Variants in PRR16 observed in about 807,000 individuals in gnomAD.
PRR16 encodes the protein proline rich 16.
A neutral mutation model predicts 18.2 loss-of-function variants in PRR16; 6 were observed. The ratio of observed to expected loss-of-function variants is 0.33; its 90% confidence interval spans 0.18 to 0.65. The LOEUF is 0.65. Ranked by LOEUF, PRR16 falls within the 30% of genes least tolerant of loss-of-function variation. The probability of loss-of-function intolerance (pLI) is 0.74; values close to 1 mark genes in which losing one functional copy is unlikely to be tolerated. For synonymous variants in PRR16, 151 were observed against 147.8 expected (o/e 1.02, Z -0.16); for missense variants, 412 against 376.6 (o/e 1.09, Z -0.78).
chr5:120,686,861 A>C lies in PRR16; in HGVS notation c.*152A>C, dbSNP rs116602032. 703 of 515,608 alleles carry C rather than the reference A, an allele frequency of 1.4e-3. 4 individuals carry two copies. The highest frequency in any genetic ancestry group is 0.013 in the African/African-American group (643 of 51,018). 31.9% of individuals were successfully genotyped at this position (515,608 alleles called of 1,614,324 possible). Reference sequence around the variant, plus strand: ...AAAAATCACCTGGTAAGTATGCAGCACATTGCTTATATCCTGGGTATGCAT... The same window carrying C: ...AAAAATCACCTGGTAAGTATGCAGCCCATTGCTTATATCCTGGGTATGCAT... On this transcript the variant is annotated 3_prime_UTR_variant, in exon 2 of 2. Transcript: ENST00000407149.
At chr5:120,684,934 C>G (rs1580880525) in intron 1 of PRR16, among the ~76,000 whole-genome samples, 1 of 152,210 alleles carries the variant, frequency 6.6e-6, no homozygotes, top group Non-Finnish European at 1.5e-5. Context: ...GCTCCTCTGC[C>G]TGGTACCTGT....
the PRR16 span, among the ~76,000 whole-genome samples, chr5:120,766,829 GA>G: frequency 1.3e-5 from 2 of 151,704 alleles, no homozygotes; most frequent in Admixed American, 1.3e-4. Flanking sequence ...GCCAGTAAAT[GA>G]AAAAAATGGG....
At chr5:120,708,879 C>T in the PRR16 span, among the ~76,000 whole-genome samples, 6 of 151,286 alleles carry the variant, frequency 4.0e-5, no homozygotes, top group African/African-American at 1.2e-4. Flanking sequence ...TGATCATTTA[C>T]AGATGATGCA....
the PRR16 span, among the ~76,000 whole-genome samples, chr5:120,761,042 T>G: frequency 1.3e-5 from 2 of 152,130 alleles, no homozygotes; most frequent in Non-Finnish European, 2.9e-5. Context: ...AATTTCTTAA[T>G]GGGATAAAAT....
chr5:120,689,043 A>C (rs980232947), downstream of PRR16, among the ~76,000 whole-genome samples: 2 of 152,168 alleles, frequency 1.3e-5, no homozygotes, highest in South Asian at 2.1e-4. Flanking sequence ...ACTGGCTTAG[A>C]AATGTGAGTT....
intron 1 of PRR16, among the ~76,000 whole-genome samples, chr5:120,614,188 G>C (rs1224938672): frequency 6.6e-6 from 1 of 152,164 alleles, no homozygotes; most frequent in Non-Finnish European, 1.5e-5. Context: ...TGAGCATAAA[G>C]GAAACAAGGA....
At chr5:120,474,457 A>G (rs1231227987) in intron 1 of PRR16, among the ~76,000 whole-genome samples, 1 of 152,132 alleles carries the variant, frequency 6.6e-6, no homozygotes, top group East Asian at 1.9e-4. Context: ...CTACTTTGAG[A>G]ACTACTGCTC....
At chr5:120,608,366 C>G (rs1365362915) in intron 1 of PRR16, among the ~76,000 whole-genome samples, 2 of 152,142 alleles carry the variant, frequency 1.3e-5, no homozygotes, top group African/African-American at 4.8e-5. Context: ...CCCCTGAGCT[C>G]TTCCTATGTA....
chr5:120,671,804 G>T (rs1756615255), intron 1 of PRR16, among the ~76,000 whole-genome samples: 1 of 151,958 alleles, frequency 6.6e-6, no homozygotes, highest in Non-Finnish European at 1.5e-5. Context: ...TTTTAAATAT[G>T]TGTGTGTACA....
chr5:120,479,396 C>T (rs1424788586), intron 1 of PRR16, among the ~76,000 whole-genome samples: 2 of 152,020 alleles, frequency 1.3e-5, no homozygotes, highest in East Asian at 3.9e-4. Flanking sequence ...TTTAGTTGTG[C>T]AGTTTGAATA....
At chr5:120,696,103 G>A in the PRR16 span, among the ~76,000 whole-genome samples, 13 of 152,010 alleles carry the variant, frequency 8.6e-5, no homozygotes, top group Admixed American at 7.2e-4. Context: ...TTAGCCGGAC[G>A]TAGTGGCGAG....
chr5:120,552,485 C>A (rs1752284835), intron 1 of PRR16, among the ~76,000 whole-genome samples: 1 of 151,620 alleles, frequency 6.6e-6, no homozygotes, highest in Non-Finnish European at 1.5e-5. Flanking sequence ...AGAATTTATC[C>A]CATTTATATC....
intron 1 of PRR16, among the ~76,000 whole-genome samples, chr5:120,621,149 C>A (rs2112821628): frequency 6.6e-6 from 1 of 152,240 alleles, no homozygotes; most frequent in South Asian, 2.1e-4. Context: ...TTTAATTAGA[C>A]TGCCCTTATA....
chr5:120,783,678 G>A, the PRR16 span, among the ~76,000 whole-genome samples: 1 of 151,890 alleles, frequency 6.6e-6, no homozygotes, highest in Non-Finnish European at 1.5e-5. Flanking sequence ...AGGGTATCTG[G>A]ACACCCATCA....
the PRR16 span, among the ~76,000 whole-genome samples, chr5:120,742,492 T>G: frequency 2.0e-5 from 3 of 150,506 alleles, no homozygotes; most frequent in Non-Finnish European, 4.4e-5. Flanking sequence ...TTTTTAATTT[T>G]AAATTATTTT....
chr5:120,500,830 T>C (rs1331628010), intron 1 of PRR16, among the ~76,000 whole-genome samples: 1 of 152,174 alleles, frequency 6.6e-6, no homozygotes, highest in Non-Finnish European at 1.5e-5. Context: ...AGTAAATCCA[T>C]GAGGAGATAA....
At chr5:120,505,946 G>GTGTATATA (rs1554079110) in intron 1 of PRR16, among the ~76,000 whole-genome samples, 1 of 141,306 alleles carries the variant, frequency 7.1e-6, no homozygotes, top group Non-Finnish European at 1.5e-5. Context: ...GTGTGTGTGT[G>GTGTATATA]TATATATATA....
chr5:120,476,403 A>G (rs181731025), intron 1 of PRR16, among the ~76,000 whole-genome samples: 190 of 152,114 alleles, frequency 1.2e-3, no homozygotes, highest in Non-Finnish European at 1.9e-3. Context: ...TTACCCCACT[A>G]TCTTGGATTT....
chr5:120,660,860 A>G (rs537087518), intron 1 of PRR16, among the ~76,000 whole-genome samples: 112 of 152,178 alleles, frequency 7.4e-4, no homozygotes, highest in African/African-American at 2.5e-3. Context: ...AAGGATTTGA[A>G]ATTCTTTTCT....
Sources: gnomAD v4.1 joint callset for allele counts (sites outside exome capture counted in the v4.1 genomes callset) on GRCh38, gnomAD v4.1.1 for gene constraint, MANE v1.5 for transcripts, NCBI Gene and HGNC (gene_info 2026-07-23, HGNC 2026-07-21) for gene names.